Variants in ITSN2 observed in about 807,000 individuals in gnomAD.
ITSN2 encodes the protein intersectin 2, also known as intersectin-2.
A neutral mutation model predicts 243.7 loss-of-function variants in ITSN2; 156 were observed. The ratio of observed to expected loss-of-function variants is 0.64; its 90% CI spans 0.56 to 0.73. ITSN2 has a LOEUF of 0.73. ITSN2 is among the 30% of genes least tolerant of loss of function. The probability of loss-of-function intolerance (pLI) is 0.00; values close to 1 mark genes in which losing one functional copy is unlikely to be tolerated. For missense variants in ITSN2, 1,801 were observed against 1,996.1 expected, an observed-to-expected ratio of 0.90 and a Z score of 1.86; for synonymous variants, 703 against 699.9, an observed-to-expected ratio of 1.00 and a Z score of -0.07.
At chr2:24,340,119 G>C (rs750649777) in intron 1 of ITSN2, among the ~76,000 whole-genome samples, 1 of 152,134 alleles carries the variant, frequency 6.6e-6, no homozygotes, top group Non-Finnish European at 1.5e-5. Flanking sequence ...CAAACAGTAA[G>C]TCATGCTATT....
chr2:24,306,136 C>T (rs536643185), intron 8 of ITSN2, among the ~76,000 whole-genome samples: 1 of 152,106 alleles, frequency 6.6e-6, no homozygotes, highest in Non-Finnish European at 1.5e-5. Flanking sequence ...TCCACCACCA[C>T]GCCTGGTTAA....
intron 27 of ITSN2, among the ~76,000 whole-genome samples, chr2:24,247,306 A>C (rs1673510920): frequency 6.6e-6 from 1 of 152,144 alleles, no homozygotes; most frequent in Non-Finnish European, 1.5e-5. Flanking sequence ...TGCCAGGAGG[A>C]GTTAATACTG....
intron 24 of ITSN2, among the ~76,000 whole-genome samples, chr2:24,252,754 TA>T (rs1574021783): frequency 1.3e-5 from 2 of 152,336 alleles, no homozygotes; most frequent in East Asian, 1.9e-4. Context: ...CCCAATTGTT[TA>T]TTTTTTTATC....
intron 20 of ITSN2, among the ~76,000 whole-genome samples, chr2:24,270,221 A>G (rs1291436852): frequency 6.6e-6 from 1 of 152,176 alleles, no homozygotes; most frequent in African/African-American, 2.4e-5. Context: ...TGGCTCTATC[A>G]AACACTACTC....
intron 17 of ITSN2, among the ~76,000 whole-genome samples, chr2:24,278,833 G>T (rs182731637): frequency 6.6e-6 from 1 of 151,936 alleles, no homozygotes; most frequent in African/African-American, 2.4e-5. Flanking sequence ...TGCATTTTTA[G>T]TAGAGACGGG....
Position 24,235,694 on chromosome 2 carries a change from G to A in ITSN2, c.3577+10435C>T, listed in dbSNP as rs568122944. Reference sequence around the variant, plus strand: ...TTATGAAGACAAATAATTTTAAAACGGGCAAAGGATCTGAATAGACATATC... The same window carrying A: ...TTATGAAGACAAATAATTTTAAAACAGGCAAAGGATCTGAATAGACATATC... On this transcript the variant is annotated intron_variant, in intron 29 of 39. Coordinates refer to ENST00000355123, the MANE Select transcript of ITSN2 (RefSeq NM_006277.3). 6.6e-5 allele frequency among the ~76,000 whole-genome samples: 10 copies of A among 152,150 alleles called. No homozygotes were observed. In the South Asian group the frequency reaches 1.7e-3, roughly 25 times the overall value.
At chr2:24,280,253 G>C (rs910983029) in intron 17 of ITSN2, among the ~76,000 whole-genome samples, 1 of 152,066 alleles carries the variant, frequency 6.6e-6, no homozygotes, top group Non-Finnish European at 1.5e-5. Flanking sequence ...GTTAACCCCG[G>C]TGCTCTACTA....
At chr2:24,278,529 A>G (rs1678320828) in intron 17 of ITSN2, among the ~76,000 whole-genome samples, 1 of 151,992 alleles carries the variant, frequency 6.6e-6, no homozygotes, top group Admixed American at 6.6e-5. Context: ...AAAAATTCCT[A>G]TCCTTAGACC....
At chr2:24,312,979 GA>G (rs1683440914) in intron 4 of ITSN2, among the ~76,000 whole-genome samples, 1 of 150,878 alleles carries the variant, frequency 6.6e-6, no homozygotes, top group African/African-American at 2.4e-5. Flanking sequence ...TCTTTCCTTA[GA>G]AAATTCTAAT....
At chr2:24,316,155 G>C (rs114799747) in intron 2 of ITSN2, among the ~76,000 whole-genome samples, 1,674 of 152,290 alleles carry the variant, frequency 0.011, 38 homozygotes, top group African/African-American at 0.038. Context: ...AATAACTAGA[G>C]TTAGTAATAA....
intron 10 of ITSN2, 121 bp downstream of exon 10, chr2:24,301,844 C>A (rs1003762247): frequency 2.1e-6 from 2 of 970,796 alleles, no homozygotes; most frequent in Non-Finnish European, 2.9e-6. Context: ...CTAATATGTA[C>A]CCTTTTCAAG....
chr2:24,248,794 A>G, intron 26 of ITSN2, 43 bp downstream of exon 26: 1 of 1,613,380 alleles, frequency 6.2e-7, no homozygotes, highest in Admixed American at 1.7e-5. Flanking sequence ...ATTGCGACAG[A>G]GCAAACACGT....
intron 1 of ITSN2, among the ~76,000 whole-genome samples, chr2:24,328,335 C>T (rs1685386105): frequency 6.6e-6 from 1 of 151,994 alleles, no homozygotes; most frequent in Non-Finnish European, 1.5e-5. Context: ...AAAACAGTCA[C>T]ATATTTAATA....
At chr2:24,323,799 T>A (rs998303575) in intron 2 of ITSN2, among the ~76,000 whole-genome samples, 1 of 152,202 alleles carries the variant, frequency 6.6e-6, no homozygotes, top group East Asian at 1.9e-4. Context: ...GTTTCCTTAT[T>A]CAACCCAATC....
chr2:24,317,097 G>A (rs1684020198), intron 2 of ITSN2, among the ~76,000 whole-genome samples: 1 of 152,096 alleles, frequency 6.6e-6, no homozygotes, highest in African/African-American at 2.4e-5. Context: ...AAAAGTGGCA[G>A]TGGCCGGGCG....
intron 4 of ITSN2, among the ~76,000 whole-genome samples, chr2:24,313,060 T>G (rs1683450325): frequency 6.6e-6 from 1 of 151,802 alleles, no homozygotes; most frequent in African/African-American, 2.4e-5. Flanking sequence ...AAAATTTATT[T>G]TCCAAAAAAC....
At chr2:24,341,577 TG>T (rs1374992823) in intron 1 of ITSN2, among the ~76,000 whole-genome samples, 1 of 152,152 alleles carries the variant, frequency 6.6e-6, no homozygotes, top group African/African-American at 2.4e-5. Context: ...AGGCAATAAA[TG>T]TTTAAAATAA....
intron 1 of ITSN2, among the ~76,000 whole-genome samples, chr2:24,350,379 T>C (rs1687917918): frequency 6.6e-6 from 1 of 152,200 alleles, no homozygotes. Context: ...CTGGTGGGAA[T>C]ATAAAATAGA....
At chr2:24,329,324 A>G (rs1007062583) in intron 1 of ITSN2, among the ~76,000 whole-genome samples, 1 of 152,022 alleles carries the variant, frequency 6.6e-6, no homozygotes, top group African/African-American at 2.4e-5. Flanking sequence ...GCAGTGGCGC[A>G]GTCTTGGCTC....
Sources: allele counts gnomAD v4.1 joint callset (sites outside exome capture counted in the v4.1 genomes callset), GRCh38; gene constraint gnomAD v4.1.1; transcripts MANE v1.5; gene names NCBI Gene and HGNC (gene_info 2026-07-23, HGNC 2026-07-21).